TAB2: variants seen among roughly 807,000 people sequenced by gnomAD.
TAB2 encodes TGF-beta activated kinase 1 (MAP3K7) binding protein 2.
Under a neutral mutation model 65.0 loss-of-function variants are expected in TAB2, and 3 were observed. The ratio of observed to expected loss-of-function variants is 0.05; its 90% confidence interval spans 0.02 to 0.12. The LOEUF (loss-of-function observed/expected upper bound fraction) is 0.12. TAB2 is among the 10% of genes least tolerant of loss of function. The pLI is 1.00. For synonymous variants in TAB2, 298 were observed against 285.1 expected, an observed-to-expected ratio of 1.05 and a Z score of -0.46; for missense variants, 623 against 840.3, an observed-to-expected ratio of 0.74 and a Z score of 3.20.
chr6:149,400,891 A>G (rs1782381623), intron 6 of TAB2: 2 of 572,820 alleles, frequency 3.5e-6, no homozygotes, highest in South Asian at 2.8e-5. Context: ...CTTCAAACCA[A>G]ACAGCCAATG....
intron 1 of TAB2, among the ~76,000 whole-genome samples, chr6:149,233,194 G>A (rs1191040208): frequency 6.6e-6 from 1 of 152,116 alleles, no homozygotes; most frequent in Non-Finnish European, 1.5e-5. Context: ...ACCTGGCGGG[G>A]GGTGAGAAAC....
At chr6:149,402,043 TAGA>T (rs1192615370) in intron 6 of TAB2, among the ~76,000 whole-genome samples, 1 of 135,634 alleles carries the variant, frequency 7.4e-6, no homozygotes. Flanking sequence ...AGGGAACCAG[TAGA>T]AGAACAACAA....
intron 2 of TAB2, among the ~76,000 whole-genome samples, chr6:149,371,151 A>G (rs1434752531): frequency 2.6e-5 from 4 of 151,380 alleles, no homozygotes; most frequent in African/African-American, 7.3e-5. Flanking sequence ...TTGAAATTAT[A>G]TGAAATTTTT....
At chr6:149,373,912 C>T (rs545088091) in intron 2 of TAB2, among the ~76,000 whole-genome samples, 1 of 152,274 alleles carries the variant, frequency 6.6e-6, no homozygotes, top group South Asian at 2.1e-4. Context: ...AGCAGAGAAG[C>T]TTTGAAAAAC....
In TAB2 at chr6:149,359,785, C is replaced by G. The variant is rs573611996; in HGVS notation, c.-89-10124C>G. 2.6e-5 allele frequency among the ~76,000 whole-genome samples: 4 copies of G among 152,272 alleles called. No individual in the cohort carries two copies. In the South Asian group the frequency reaches 8.3e-4, roughly 32 times the overall value. On this transcript the variant is annotated intron_variant, in intron 1 of 6. Transcript: ENST00000637181. ...CACCAGGGAATTTTTTTCTTGCAAG[C>G]TCTGCTGTTACAAAACAAAGTCAAT...
chr6:149,395,544 T>C (rs1037829883), intron 3 of TAB2, among the ~76,000 whole-genome samples: 7 of 152,256 alleles, frequency 4.6e-5, no homozygotes, highest in Non-Finnish European at 7.3e-5. Flanking sequence ...TTAACTGTAT[T>C]CTTCTTAAAT....
At chr6:149,333,687 T>A (rs1170572355) in intron 1 of TAB2, among the ~76,000 whole-genome samples, 1 of 151,262 alleles carries the variant, frequency 6.6e-6, no homozygotes, top group Non-Finnish European at 1.5e-5. Context: ...AAACCATATA[T>A]TCTTTTATTT....
chr6:149,341,159 A>G (rs1323724367), intron 1 of TAB2, among the ~76,000 whole-genome samples: 4 of 152,134 alleles, frequency 2.6e-5, no homozygotes, highest in Admixed American at 1.3e-4. Context: ...GAAGTATTTT[A>G]TACTTTACTT....
Position 149,398,059 on chromosome 6 carries a change from C to T in TAB2, c.1855C>T (p.Arg619Ter). 1 of 1,613,110 alleles carries T rather than the reference C, an allele frequency of 6.2e-7. No individual in the cohort carries two copies. ...LTKEIDLFQA[R>*]GPHFNPSAIH... ...CAAAGAAATTGATCTTTTTCAAGCC[C>T]GAGGTAAAGTTCAGTGTATTTGTAG... The change falls in exon 5 of 7, where the codon CGA becomes TGA. Residue 619 changes from arginine to a stop codon, truncating the protein, a stop_gained. Transcript: ENST00000637181. LOFTEE classifies it high-confidence loss of function.
At chr6:149,341,434 A>G (rs1780123010) in intron 1 of TAB2, among the ~76,000 whole-genome samples, 1 of 152,196 alleles carries the variant, frequency 6.6e-6, no homozygotes, top group Non-Finnish European at 1.5e-5. Flanking sequence ...GAACAAGAAA[A>G]TGTGTTACAT....
intron 1 of TAB2, among the ~76,000 whole-genome samples, chr6:149,266,310 C>T (rs189897794): frequency 1.4e-4 from 21 of 152,218 alleles, no homozygotes; most frequent in Admixed American, 3.3e-4. Flanking sequence ...TGTCTTTGTC[C>T]GGGAGAGAAG....
At chr6:149,389,412 G>A (rs1781908065) in intron 3 of TAB2, among the ~76,000 whole-genome samples, 3 of 151,948 alleles carry the variant, frequency 2.0e-5, no homozygotes, top group Admixed American at 6.6e-5. Flanking sequence ...TTGGGAGCCC[G>A]AGGCGGGTAG....
At chr6:149,224,566 G>A (rs1035669936) in intron 1 of TAB2, among the ~76,000 whole-genome samples, 6 of 152,068 alleles carry the variant, frequency 3.9e-5, no homozygotes, top group African/African-American at 1.4e-4. Flanking sequence ...CACCACTTAC[G>A]GCGGTTCTCA....
chr6:149,330,555 G>A (rs1779752184), intron 1 of TAB2, among the ~76,000 whole-genome samples: 1 of 152,114 alleles, frequency 6.6e-6, no homozygotes, highest in Admixed American at 6.6e-5. Context: ...ATATTTTCAT[G>A]TACTTCTTTG....
intron 3 of TAB2, among the ~76,000 whole-genome samples, chr6:149,394,838 A>G (rs573647405): frequency 6.6e-6 from 1 of 152,340 alleles, no homozygotes; most frequent in East Asian, 1.9e-4. Context: ...GCTCTACGTG[A>G]TCTGGTAGAG....
chr6:149,339,230 G>A (rs1454366162), intron 1 of TAB2, among the ~76,000 whole-genome samples: 1 of 152,116 alleles, frequency 6.6e-6, no homozygotes, highest in African/African-American at 2.4e-5. Context: ...GGGTGTGGTG[G>A]CACGCGCCTG....
chr6:149,308,552 G>C (rs1163119858), intron 1 of TAB2, among the ~76,000 whole-genome samples: 1 of 150,800 alleles, frequency 6.6e-6, no homozygotes, highest in African/African-American at 2.4e-5. Flanking sequence ...TTTTGAGATG[G>C]AGTCTCACTC....
chr6:149,378,575 A>G lies in TAB2; in HGVS notation c.660A>G (p.Thr220=). The change falls in exon 3 of 7, where the codon ACA becomes ACG. Residue 220 remains threonine, a synonymous_variant. Coordinates refer to ENST00000637181, the MANE Select transcript of TAB2 (RefSeq NM_001292034.3). ...GNSIYIRPYI[T]TPGGTTRQTQ... is the part of the protein sequence containing the mutation. ...CTATCTATATTAGGCCTTACATTACAACTCCTGGTGGTACAACTCGACAGA... is the reference window on the plus strand; with the variant it reads ...CTATCTATATTAGGCCTTACATTACGACTCCTGGTGGTACAACTCGACAGA... 6.2e-7 allele frequency: 1 copy of G among 1,613,906 alleles called. No homozygotes were observed. Among genetic ancestry groups the G allele is most frequent in the Middle Eastern group, 1.6e-4 (1 of 6,062 alleles).
chr6:149,239,004 G>T (rs551564474), intron 1 of TAB2, among the ~76,000 whole-genome samples: 26 of 152,318 alleles, frequency 1.7e-4, no homozygotes, highest in African/African-American at 6.0e-4. Context: ...TAGAAGAGAA[G>T]ACAGCGGCAG....
Sources: gnomAD v4.1 joint callset for allele counts (sites outside exome capture counted in the v4.1 genomes callset) on GRCh38, gnomAD v4.1.1 for gene constraint, MANE v1.5 for transcripts, NCBI Gene and HGNC (gene_info 2026-07-23, HGNC 2026-07-21) for gene names.